The following PTPRS variants were observed in gnomAD, a reference collection of about 807,000 sequenced individuals.
The protein encoded by PTPRS is protein tyrosine phosphatase receptor type S, also known as receptor-type tyrosine-protein phosphatase S.
Under a neutral mutation model 215.3 loss-of-function variants are expected in PTPRS, and 63 were observed. The observed-to-expected ratio is 0.29, with a 90% confidence interval of 0.24 to 0.36. The LOEUF is 0.36. Ranked by LOEUF, PTPRS falls within the 10% of genes least tolerant of loss-of-function variation. The pLI, the probability that PTPRS is intolerant of heterozygous loss-of-function variation, is 1.00. For missense variants in PTPRS, 2,258 were observed against 2,825.8 expected, an observed-to-expected ratio of 0.80 and a Z score of 4.56; for synonymous variants, 1,404 against 1,191.4, an observed-to-expected ratio of 1.18 and a Z score of -3.68.
At chr19:5,332,885 A>T (rs1482550833) in intron 1 of PTPRS, among the ~76,000 whole-genome samples, 3 of 152,266 alleles carry the variant, frequency 2.0e-5, no homozygotes, top group Non-Finnish European at 4.4e-5. Context: ...GCGGTGGCTC[A>T]CGCCTGTAAT....
At chr19:5,333,168 A>G (rs112336476) in intron 1 of PTPRS, among the ~76,000 whole-genome samples, 8,569 of 149,686 alleles carry the variant, frequency 0.057, 387 homozygotes, top group African/African-American at 0.12. Context: ...TAAAATAAAA[A>G]ATAAATAAAA....
chr19:5,225,677 A>C, intron 17 of PTPRS, 50 bp downstream of exon 17: 2 of 1,417,228 alleles, frequency 1.4e-6, no homozygotes, highest in Non-Finnish European at 2.0e-6. Flanking sequence ...CTCTGGTGCC[A>C]GTGGGGGCAA....
chr19:5,239,248 A>G (rs141128040), intron 12 of PTPRS, among the ~76,000 whole-genome samples, 185 bp from the exon 13 acceptor site: 39 of 150,988 alleles, frequency 2.6e-4, no homozygotes, highest in African/African-American at 9.0e-4. Flanking sequence ...GGAGAGAGGT[A>G]GAGGGGAGAG....
At chr19:5,298,760 A>T (rs113040118) in intron 1 of PTPRS, among the ~76,000 whole-genome samples, 54 of 152,274 alleles carry the variant, frequency 3.5e-4, no homozygotes, top group African/African-American at 1.2e-3. Flanking sequence ...CCCGCAGGCC[A>T]GGCTACCTTC....
At chr19:5,216,131 T>G (rs1436201089) in intron 26 of PTPRS, among the ~76,000 whole-genome samples, 1 of 152,050 alleles carries the variant, frequency 6.6e-6, no homozygotes, top group Non-Finnish European at 1.5e-5. Context: ...TATGTGTGTG[T>G]GTACGTGAGA....
intron 16 of PTPRS, among the ~76,000 whole-genome samples, chr19:5,226,906 A>G (rs984112966): frequency 6.6e-6 from 1 of 152,062 alleles, no homozygotes; most frequent in African/African-American, 2.4e-5. Context: ...TTGCATCTGT[A>G]GAGTAGGAAT....
At chr19:5,322,734 C>T (rs1436850414) in intron 1 of PTPRS, among the ~76,000 whole-genome samples, 2 of 151,726 alleles carry the variant, frequency 1.3e-5, no homozygotes, top group African/African-American at 2.4e-5. Context: ...ACAAAATTAG[C>T]CGGGCATGGT....
chr19:5,243,279 C>G (rs1280055083), intron 11 of PTPRS, among the ~76,000 whole-genome samples: 3 of 150,064 alleles, frequency 2.0e-5, no homozygotes, highest in Non-Finnish European at 1.5e-5. Context: ...TTACAGGCAC[C>G]CGCCACCACG....
chr19:5,306,521 C>T (rs1428903089), intron 1 of PTPRS, among the ~76,000 whole-genome samples: 1 of 152,106 alleles, frequency 6.6e-6, no homozygotes, highest in African/African-American at 2.4e-5. Flanking sequence ...CTTGTAACTA[C>T]TGAGCACACG....
chr19:5,223,038 G>C lies in PTPRS; in HGVS notation c.2754C>G (p.Ala918=). The change falls in exon 18 of 38, where the codon GCC becomes GCG. Residue 918 remains alanine (A), a synonymous_variant. Transcript: ENST00000262963. ...RSRGGLGEEA[A]EVLSIPEDTP... is the part of the protein sequence containing the mutation. ...TGTCCTCCGGGATGCTCAGGACCTC[G>C]GCTGCCTCCTCGCCCAGGCCGCCGC... The C allele has an allele frequency of 3.2e-6, 5 of 1,547,546 alleles. No homozygotes were observed. Among genetic ancestry groups the C allele is most frequent in the Non-Finnish European group, 4.4e-6 (5 of 1,147,788 alleles).
At chr19:5,337,557 G>A (rs773341783) in intron 1 of PTPRS, among the ~76,000 whole-genome samples, 14 of 152,186 alleles carry the variant, frequency 9.2e-5, no homozygotes, top group Non-Finnish European at 1.9e-4. Flanking sequence ...CGCCAACCCC[G>A]AAGGCAGAAG....
intron 13 of PTPRS, among the ~76,000 whole-genome samples, chr19:5,233,226 C>G (rs1368462190): frequency 6.6e-6 from 1 of 151,926 alleles, no homozygotes; most frequent in African/African-American, 2.4e-5. Context: ...AGGGGAACAG[C>G]AACAGAGCTC....
chr19:5,329,806 G>C (rs1027778065), intron 1 of PTPRS, among the ~76,000 whole-genome samples: 1 of 151,458 alleles, frequency 6.6e-6, no homozygotes, highest in African/African-American at 2.4e-5. Context: ...GTCGGGCATG[G>C]TGGCTCACGC....
rs779903718 is a variant in PTPRS at position 5,215,432 on chromosome 19, C to T, written c.4195-20G>A. The T allele has an allele frequency of 2.1e-5, 33 of 1,584,168 alleles. No homozygotes were observed. The highest frequency in any genetic ancestry group is 4.4e-5 in the South Asian group (4 of 90,684). On this transcript the variant is annotated intron_variant, in intron 27 of 37. Transcript: ENST00000262963. Reference sequence around the variant, plus strand: ...GATGGACTACAGAGGAAGGGGAGAGCGCGGGTGTCAGGGTAGGTGCCTGTG... The same window carrying T: ...GATGGACTACAGAGGAAGGGGAGAGTGCGGGTGTCAGGGTAGGTGCCTGTG...
chr19:5,259,931 C>A (rs186085189), intron 7 of PTPRS, among the ~76,000 whole-genome samples: 6 of 152,236 alleles, frequency 3.9e-5, no homozygotes, highest in Admixed American at 1.3e-4. Context: ...TAAGGAGGCC[C>A]AGAGAGGGTC....
chr19:5,225,659 G>A, intron 17 of PTPRS, 68 bp downstream of exon 17: 1 of 1,337,964 alleles, frequency 7.5e-7, no homozygotes, highest in Non-Finnish European at 1.1e-6. Flanking sequence ...AAGGACTCTG[G>A]AGTCACGCTC....
At chr19:5,332,144 T>C (rs950130650) in intron 1 of PTPRS, among the ~76,000 whole-genome samples, 1 of 152,056 alleles carries the variant, frequency 6.6e-6, no homozygotes, top group Non-Finnish European at 1.5e-5. Flanking sequence ...TTTTTTTTTT[T>C]TAGACAGAGT....
chr19:5,277,694 C>T (rs982063310), intron 2 of PTPRS: 51 of 551,308 alleles, frequency 9.3e-5, no homozygotes, highest in Middle Eastern at 4.0e-4. Context: ...CCTTCCTCGG[C>T]GCTGCCTAAG....
At chr19:5,252,000 T>TG (rs11406120) in intron 9 of PTPRS, among the ~76,000 whole-genome samples, 135,437 of 152,084 alleles carry the variant, frequency 0.89, 60,644 homozygotes, top group African/African-American at 0.97. Flanking sequence ...GGGGAACACC[T>TG]GGGGTCACAT....
Sources: allele counts gnomAD v4.1 joint callset (sites outside exome capture counted in the v4.1 genomes callset), GRCh38; gene constraint gnomAD v4.1.1; transcripts MANE v1.5; gene names NCBI Gene and HGNC (gene_info 2026-07-23, HGNC 2026-07-21).